CSMD1: variants seen among roughly 807,000 people sequenced by gnomAD.
CSMD1 encodes CUB and Sushi multiple domains 1.
Under a neutral mutation model 417.5 loss-of-function variants are expected in CSMD1, and 213 were observed. The observed-to-expected ratio is 0.51, with a 90% CI of 0.46 to 0.57. The LOEUF is 0.57. CSMD1 is among the 20% of genes least tolerant of loss of function. The probability of loss-of-function intolerance (pLI) is 0.00; values close to 1 mark genes in which losing one functional copy is unlikely to be tolerated. For synonymous variants in CSMD1, 2,862 were observed against 1,736.8 expected (o/e 1.65, Z -16.11); for missense variants, 6,923 against 4,529.7 (o/e 1.53, Z -15.17).
At chr8:4,733,638 C>A (rs1810041185) in intron 1 of CSMD1, among the ~76,000 whole-genome samples, 1 of 152,220 alleles carries the variant, frequency 6.6e-6, no homozygotes, top group Non-Finnish European at 1.5e-5. Flanking sequence ...ATAGTCTACA[C>A]TGCATTTTTA....
chr8:3,755,813 C>T (rs7819340), intron 5 of CSMD1, among the ~76,000 whole-genome samples: 31,198 of 151,972 alleles, frequency 0.21, 3,655 homozygotes, highest in South Asian at 0.3. Flanking sequence ...AAATAATCTT[C>T]TGTAAGAGAA....
chr8:3,238,562 A>T (rs1423543233), intron 26 of CSMD1, among the ~76,000 whole-genome samples: 1 of 152,034 alleles, frequency 6.6e-6, no homozygotes, highest in Non-Finnish European at 1.5e-5. Context: ...TTAGAGTGGG[A>T]GAGATGAAGC....
chr8:3,762,626 G>A (rs960016484), intron 5 of CSMD1, among the ~76,000 whole-genome samples: 1 of 152,176 alleles, frequency 6.6e-6, no homozygotes, highest in Admixed American at 6.5e-5. Context: ...AGCCGCTCTT[G>A]TCTGTGGAAG....
At chr8:4,576,834 T>A (rs1219988977) in intron 2 of CSMD1, among the ~76,000 whole-genome samples, 1 of 152,194 alleles carries the variant, frequency 6.6e-6, no homozygotes, top group Non-Finnish European at 1.5e-5. Flanking sequence ...CAAACTATTT[T>A]AATTTCATGT....
At chr8:3,870,521 G>C (rs562746821) in intron 5 of CSMD1, among the ~76,000 whole-genome samples, 1 of 152,182 alleles carries the variant, frequency 6.6e-6, no homozygotes, top group African/African-American at 2.4e-5. Context: ...TACCGTTTGA[G>C]AGCTATGGTC....
At chr8:4,536,214 T>G (rs1797096496) in intron 2 of CSMD1, among the ~76,000 whole-genome samples, 1 of 152,210 alleles carries the variant, frequency 6.6e-6, no homozygotes, top group African/African-American at 2.4e-5. Context: ...CTTTTGCATT[T>G]CATTTTAACC....
At chr8:4,866,885 T>G (rs1802450373) in intron 1 of CSMD1, among the ~76,000 whole-genome samples, 1 of 151,982 alleles carries the variant, frequency 6.6e-6, no homozygotes, top group South Asian at 2.1e-4. Flanking sequence ...TTTTGTGACC[T>G]CCTTAATTAT....
chr8:3,366,751 G>A (rs898680396), intron 20 of CSMD1, among the ~76,000 whole-genome samples: 4 of 152,170 alleles, frequency 2.6e-5, no homozygotes, highest in Admixed American at 6.5e-5. Flanking sequence ...CGAGTGAGAA[G>A]GGCTTTGCAG....
At chr8:3,178,979 A>T (rs574557871) in intron 37 of CSMD1, among the ~76,000 whole-genome samples, 8 of 141,540 alleles carry the variant, frequency 5.7e-5, no homozygotes, top group Middle Eastern at 3.8e-3. Context: ...ACGGAGTCTC[A>T]CTCTGTCACC....
intron 1 of CSMD1, among the ~76,000 whole-genome samples, chr8:4,902,693 G>A (rs964427168): frequency 1.3e-5 from 2 of 151,908 alleles, no homozygotes; most frequent in African/African-American, 4.8e-5. Context: ...GGTGATATAC[G>A]CACATGATAC....
chr8:3,502,364 CAAAA>C (rs371588108), intron 10 of CSMD1, among the ~76,000 whole-genome samples: 2 of 109,170 alleles, frequency 1.8e-5, no homozygotes, highest in Admixed American at 1.0e-4. Context: ...GACTTCATCT[CAAAA>C]AAAAAAAAAA....
chr8:4,439,445 CT>C (rs780624694), intron 2 of CSMD1, among the ~76,000 whole-genome samples: 3 of 151,506 alleles, frequency 2.0e-5, no homozygotes, highest in African/African-American at 7.3e-5. Context: ...TTTCATCTAA[CT>C]TTTTCCTAAC....
intron 52 of CSMD1, among the ~76,000 whole-genome samples, chr8:3,004,801 G>C (rs1340694886): frequency 2.0e-5 from 3 of 152,168 alleles, no homozygotes; most frequent in South Asian, 2.1e-4. Flanking sequence ...GTCTGCTCCA[G>C]TGACTCCGTT....
chr8:4,772,203 T>A (rs866978037), intron 1 of CSMD1, among the ~76,000 whole-genome samples: 10 of 152,210 alleles, frequency 6.6e-5, no homozygotes, highest in South Asian at 4.2e-4. Context: ...CACGCATCAT[T>A]CTCTGCTTCC....
At chr8:4,520,814 C>T (rs1158984711) in intron 2 of CSMD1, among the ~76,000 whole-genome samples, 1 of 151,824 alleles carries the variant, frequency 6.6e-6, no homozygotes, top group Non-Finnish European at 1.5e-5. Flanking sequence ...ATTGGAGTGC[C>T]CTGTAAGTAT....
chr8:4,069,336 T>G (rs2113669), intron 3 of CSMD1, among the ~76,000 whole-genome samples: 21,168 of 152,204 alleles, frequency 0.14, 1,619 homozygotes, highest in African/African-American at 0.21. Context: ...AAATTCCAAC[T>G]CTTATCTACA....
intron 5 of CSMD1, among the ~76,000 whole-genome samples, chr8:3,806,707 G>A (rs1308982775): frequency 6.6e-6 from 1 of 152,148 alleles, no homozygotes; most frequent in African/African-American, 2.4e-5. Context: ...CTAATGAGAG[G>A]TAATATTTCC....
intron 3 of CSMD1, among the ~76,000 whole-genome samples, chr8:4,329,985 C>T (rs1455478518): frequency 2.6e-5 from 4 of 152,222 alleles, no homozygotes; most frequent in African/African-American, 9.6e-5. Flanking sequence ...AAAAGCCAAG[C>T]AGATGCCAGC....
At chr8:4,929,667 T>C (rs905661557) in intron 1 of CSMD1, among the ~76,000 whole-genome samples, 1 of 152,156 alleles carries the variant, frequency 6.6e-6, no homozygotes, top group Admixed American at 6.5e-5. Context: ...ATTCTACACA[T>C]CTCCCAGAAA....
Sources: allele counts gnomAD v4.1 joint callset (sites outside exome capture counted in the v4.1 genomes callset), GRCh38; gene constraint gnomAD v4.1.1; transcripts MANE v1.5; gene names NCBI Gene and HGNC (gene_info 2026-07-23, HGNC 2026-07-21).